Variants in IL1R1 observed in about 807,000 individuals in gnomAD.
The protein encoded by IL1R1 is interleukin-1 receptor type 1.
A neutral mutation model predicts 50.2 loss-of-function variants in IL1R1; 22 were observed. The observed-to-expected ratio is 0.44, with a 90% confidence interval of 0.31 to 0.63. IL1R1 has a LOEUF of 0.63. Ranked by LOEUF, IL1R1 falls within the 20% of genes least tolerant of loss-of-function variation. The pLI, the probability that IL1R1 is intolerant of heterozygous loss-of-function variation, is 0.07. For synonymous variants in IL1R1, 251 were observed against 236.7 expected, an observed-to-expected ratio of 1.06 and a Z score of -0.55; for missense variants, 509 against 676.2, an observed-to-expected ratio of 0.75 and a Z score of 2.74.
chr2:102,119,620 A>G (rs1268891979), intron 1 of IL1R1, among the ~76,000 whole-genome samples: 1 of 152,218 alleles, frequency 6.6e-6, no homozygotes, highest in Non-Finnish European at 1.5e-5. Flanking sequence ...TGTTGGTTCC[A>G]TAGGTAGATT....
intron 1 of IL1R1, among the ~76,000 whole-genome samples, chr2:102,110,925 G>T (rs1680723531): frequency 6.6e-6 from 1 of 152,148 alleles, no homozygotes; most frequent in South Asian, 2.1e-4. Flanking sequence ...CACGGTCCGT[G>T]TTAGCCTGGT....
chr2:102,145,211 A>G (rs1023922381), intron 1 of IL1R1, among the ~76,000 whole-genome samples: 1 of 152,154 alleles, frequency 6.6e-6, no homozygotes, highest in Non-Finnish European at 1.5e-5. Flanking sequence ...CAGCTCCAGG[A>G]TGCTACCCAT....
chr2:102,116,779 C>T (rs765496946), intron 1 of IL1R1, among the ~76,000 whole-genome samples: 2 of 152,206 alleles, frequency 1.3e-5, no homozygotes, highest in Non-Finnish European at 2.9e-5. Flanking sequence ...ACTTTTCCTT[C>T]TAGTGGGGGA....
At chr2:102,162,833 A>ATAAT (rs1223280272) in intron 3 of IL1R1, among the ~76,000 whole-genome samples, 1 of 152,150 alleles carries the variant, frequency 6.6e-6, no homozygotes, top group Non-Finnish European at 1.5e-5. Context: ...AGATGATCTT[A>ATAAT]TAATTACCCA....
intron 5 of IL1R1, 35 bp downstream of exon 5, chr2:102,165,339 C>A: frequency 8.1e-7 from 1 of 1,241,028 alleles, no homozygotes; most frequent in East Asian, 2.5e-5. Context: ...TTCACTTTTC[C>A]AGAAAATAAA....
At chr2:102,072,530 A>G (rs918205645) in intron 1 of IL1R1, among the ~76,000 whole-genome samples, 1 of 151,874 alleles carries the variant, frequency 6.6e-6, no homozygotes, top group Non-Finnish European at 1.5e-5. Flanking sequence ...CTTAATTCAC[A>G]TTTCTTTGGT....
At chr2:102,087,831 G>A (rs1276508530) in intron 1 of IL1R1, among the ~76,000 whole-genome samples, 1 of 152,104 alleles carries the variant, frequency 6.6e-6, no homozygotes, top group African/African-American at 2.4e-5. Context: ...TGTGAAAATG[G>A]ACTAATATAC....
chr2:102,119,136 G>A (rs574866161), intron 1 of IL1R1, among the ~76,000 whole-genome samples: 1 of 151,924 alleles, frequency 6.6e-6, no homozygotes, highest in South Asian at 2.1e-4. Context: ...GCAGAGCAAC[G>A]AAAACATTTA....
At position 102,075,779 on chromosome 2, in the gene IL1R1, CAGA is replaced by C. The variant is rs1338165897; in HGVS notation, c.-84+5250_-84+5252del. Among the ~76,000 whole-genome samples, 3 of 152,314 alleles carry C rather than the reference CAGA, an allele frequency of 2.0e-5. No homozygotes were observed. The East Asian group carries it at 5.8e-4, about 29-fold the overall frequency. Reference sequence around the variant, plus strand: ...TAAGAACGAAAATACAGGTTAAAGACAGAAGATTTCACTGGGAGTGGCTATGAG... The same window carrying C: ...TAAGAACGAAAATACAGGTTAAAGACAGATTTCACTGGGAGTGGCTATGAG... On this transcript the variant is annotated intron_variant, in intron 1 of 11. Coordinates refer to the IL1R1 transcript ENST00000409929.
chr2:102,164,183 C>G (rs1272005394), intron 3 of IL1R1, among the ~76,000 whole-genome samples: 1 of 152,070 alleles, frequency 6.6e-6, no homozygotes, highest in Non-Finnish European at 1.5e-5. Context: ...TATCCCAAGA[C>G]TCTTTCTGCG....
chr2:102,135,380 C>T (rs973177889), intron 1 of IL1R1, among the ~76,000 whole-genome samples: 1 of 152,114 alleles, frequency 6.6e-6, no homozygotes. Flanking sequence ...ACACTCCTCA[C>T]CCCTACAAAG....
chr2:102,157,369 T>C (rs891989136), intron 2 of IL1R1, among the ~76,000 whole-genome samples: 3 of 152,048 alleles, frequency 2.0e-5, no homozygotes, highest in African/African-American at 7.2e-5. Flanking sequence ...GTGAGCTGGC[T>C]TAGGGGCGAG....
chr2:102,084,659 T>G (rs1248936722), intron 1 of IL1R1, among the ~76,000 whole-genome samples: 1 of 152,216 alleles, frequency 6.6e-6, no homozygotes, highest in Non-Finnish European at 1.5e-5. Context: ...TTTGGATAGT[T>G]TCTGGTTTTT....
At chr2:102,115,727 C>T (rs556176132) in intron 1 of IL1R1, among the ~76,000 whole-genome samples, 1 of 152,158 alleles carries the variant, frequency 6.6e-6, no homozygotes, top group African/African-American at 2.4e-5. Context: ...AAGACTTGAG[C>T]TGGAGGAGAA....
chr2:102,078,708 T>C (rs1409576584), intron 1 of IL1R1, among the ~76,000 whole-genome samples: 1 of 151,540 alleles, frequency 6.6e-6, no homozygotes, highest in Non-Finnish European at 1.5e-5. Flanking sequence ...TTTCAAAAAG[T>C]TGAAAAGGAA....
At chr2:102,160,488 A>G (rs1684616827) in intron 3 of IL1R1, among the ~76,000 whole-genome samples, 1 of 152,076 alleles carries the variant, frequency 6.6e-6, no homozygotes, top group African/African-American at 2.4e-5. Context: ...GATGTTTCAT[A>G]TCTAGGGAGA....
rs374920040 is a variant in IL1R1 at position 102,171,841 on chromosome 2, G to A, written c.762G>A (p.Leu254=). ...IQLICNVTGQ[L]SDIAYWKWNG... Reference sequence around the variant, plus strand: ...TGATCTGTAATGTCACCGGCCAGTTGAGTGACATTGCTTACTGGAAGTGGA... The same window carrying A: ...TGATCTGTAATGTCACCGGCCAGTTAAGTGACATTGCTTACTGGAAGTGGA... The change falls in exon 8 of 12, where the codon TTG becomes TTA. Residue 254 remains leucine, a synonymous_variant. Coordinates refer to ENST00000410023, the MANE Select transcript of IL1R1 (RefSeq NM_000877.4). 6.2e-6 allele frequency: 10 copies of A among 1,609,130 alleles called. No individual in the cohort carries two copies. Among genetic ancestry groups the A allele is most frequent in the African/African-American group, 5.3e-5 (4 of 74,798 alleles).
chr2:102,161,137 T>G (rs930643702), intron 3 of IL1R1, among the ~76,000 whole-genome samples: 3 of 152,238 alleles, frequency 2.0e-5, no homozygotes, highest in Non-Finnish European at 4.4e-5. Flanking sequence ...TGATATGTTA[T>G]GTTTTCCTTA....
intron 1 of IL1R1, among the ~76,000 whole-genome samples, chr2:102,086,643 A>C (rs17026592): frequency 0.011 from 1,603 of 151,780 alleles, 42 homozygotes; most frequent in East Asian, 0.098. Context: ...TGTGTAAAAA[A>C]CTCACTAGTT....
Sources: allele counts gnomAD v4.1 joint callset (sites outside exome capture counted in the v4.1 genomes callset), GRCh38; gene constraint gnomAD v4.1.1; transcripts MANE v1.5; gene names NCBI Gene and HGNC (gene_info 2026-07-23, HGNC 2026-07-21).